RBM26: variants seen among roughly 807,000 people sequenced by gnomAD.
RBM26 encodes the protein RNA binding motif protein 26.
Under a neutral mutation model 123.6 loss-of-function variants are expected in RBM26, and 30 were observed. The ratio of observed to expected loss-of-function variants is 0.24; its 90% CI spans 0.18 to 0.33. The LOEUF is 0.33. RBM26 is among the 10% of genes least tolerant of loss of function. The pLI is 1.00. For missense variants in RBM26, 947 were observed against 1,203.6 expected, an observed-to-expected ratio of 0.79 and a Z score of 3.15; for synonymous variants, 400 against 404.4, an observed-to-expected ratio of 0.99 and a Z score of 0.13.
rs186430652 is a variant in RBM26 at position 79,394,029 on chromosome 13, T to C, written c.71+11675A>G. ...TCTTAAACACACACTTCCTATTATTTGTGCGCCTGCGGCTTTTACTGTGTT... is the reference window on the plus strand; with the variant it reads ...TCTTAAACACACACTTCCTATTATTCGTGCGCCTGCGGCTTTTACTGTGTT... On this transcript the variant is annotated intron_variant, in intron 1 of 21. Coordinates refer to ENST00000438737, the MANE Select transcript of RBM26 (RefSeq NM_001366735.2). Among the ~76,000 whole-genome samples the C allele has an allele frequency of 4.3e-3, 652 of 152,334 alleles. 5 individuals carry two copies. Among genetic ancestry groups the C allele is most frequent in the Non-Finnish European group, 7.2e-3 (488 of 68,032 alleles).
intron 1 of RBM26, among the ~76,000 whole-genome samples, chr13:79,393,617 TAC>T (rs927277836): frequency 6.6e-6 from 1 of 152,104 alleles, no homozygotes; most frequent in African/African-American, 2.4e-5. Flanking sequence ...TCAACCCCCA[TAC>T]AGTTTTCTTC....
chr13:79,392,871 T>C (rs1003975666), intron 1 of RBM26, among the ~76,000 whole-genome samples: 62 of 151,258 alleles, frequency 4.1e-4, no homozygotes, highest in African/African-American at 1.5e-3. Context: ...AAGAAACTCA[T>C]GTTTACTCTC....
At chr13:79,346,353 C>T (rs1230299441) in intron 14 of RBM26, among the ~76,000 whole-genome samples, 1 of 152,100 alleles carries the variant, frequency 6.6e-6, no homozygotes, top group Admixed American at 6.6e-5. Flanking sequence ...AGGTTCTTAA[C>T]AATATTTGAT....
chr13:79,343,229 GA>G (rs1485243782), intron 16 of RBM26, among the ~76,000 whole-genome samples: 4 of 151,790 alleles, frequency 2.6e-5, no homozygotes, highest in African/African-American at 9.7e-5. Context: ...CTCCAGCCCA[GA>G]AAGAACCAGA....
intron 16 of RBM26, among the ~76,000 whole-genome samples, chr13:79,343,709 A>G (rs756029858): frequency 6.6e-6 from 1 of 151,928 alleles, no homozygotes; most frequent in Non-Finnish European, 1.5e-5. Flanking sequence ...ATTTAATAAA[A>G]TATTTTGCTT....
At chr13:79,325,568 AT>A (rs2068260476) in intron 20 of RBM26, among the ~76,000 whole-genome samples, 1 of 152,156 alleles carries the variant, frequency 6.6e-6, no homozygotes, top group African/African-American at 2.4e-5. Flanking sequence ...TAAAGAAAGT[AT>A]TTTTGTACAG....
At chr13:79,402,910 TTAAAA>T (rs1340846835) in intron 1 of RBM26, among the ~76,000 whole-genome samples, 1 of 152,132 alleles carries the variant, frequency 6.6e-6, no homozygotes, top group East Asian at 1.9e-4. Flanking sequence ...TTAAGTACTC[TTAAAA>T]TAAATGTTTG....
Position 79,366,678 on chromosome 13 carries a change from C to G in RBM26, c.1090G>C (p.Val364Leu). Residue 364 changes from valine to leucine, a missense_variant, in exon 7 of 22, where the codon GTA becomes CTA. Physicochemically the swap from Val to Leu is conservative, Grantham distance 32. This residue lies in a region of RBM26 where 493 missense variants were observed against 563.1 expected (regional missense o/e 0.88). Transcript: ENST00000438737. ...TPPPVNLRPP[V>L]PPPGPLPPSL... ...GGTGGCAATGGACCTGGCGGTGGTA[C>G]TGGGGGCCTGAGATTCACAGGTGGG... is the stretch of plus-strand genomic sequence containing the variant. The G allele has an allele frequency of 6.3e-7, 1 of 1,582,526 alleles. No homozygotes were observed. The highest frequency in any genetic ancestry group is 8.6e-7 in the Non-Finnish European group (1 of 1,162,868).
intron 13 of RBM26, among the ~76,000 whole-genome samples, chr13:79,353,647 T>C (rs530370682): frequency 5.9e-5 from 9 of 152,216 alleles, no homozygotes; most frequent in Non-Finnish European, 7.3e-5. Context: ...TGGGAATTTT[T>C]TAAATTAACT....
chr13:79,341,246 T>A lies in RBM26; in HGVS notation c.2428-19A>T, dbSNP rs1273363176. 7 of 1,518,376 alleles carry A rather than the reference T, an allele frequency of 4.6e-6. No individual in the cohort carries two copies. The highest frequency in any genetic ancestry group is 6.4e-6 in the Non-Finnish European group (7 of 1,098,792). 94.1% of individuals were successfully genotyped at this position (1,518,376 alleles called of 1,614,324 possible). A position where few individuals can be genotyped will look rare whatever the true frequency, so the allele number is the denominator to read the frequency against. On this transcript the variant is annotated intron_variant, in intron 17 of 21. Transcript: ENST00000438737. ...TCTGCATCTAAAAAATAGTAATTAA[T>A]ATTTTAGGTGACAGTAATTACTATC...
intron 1 of RBM26, among the ~76,000 whole-genome samples, chr13:79,402,357 C>G (rs2079121380): frequency 6.6e-6 from 1 of 151,472 alleles, no homozygotes; most frequent in Admixed American, 6.6e-5. Flanking sequence ...AACTCAGAAC[C>G]CTGATACATG....
chr13:79,379,601 T>C (rs767525171), intron 1 of RBM26, among the ~76,000 whole-genome samples: 28 of 150,868 alleles, frequency 1.9e-4, no homozygotes, highest in Non-Finnish European at 3.4e-4. Context: ...AAAATAAACT[T>C]GGAAACATGT....
chr13:79,329,811 T>C (rs537901184), intron 20 of RBM26, among the ~76,000 whole-genome samples: 15 of 152,212 alleles, frequency 9.9e-5, no homozygotes, highest in Non-Finnish European at 1.9e-4. Flanking sequence ...GGATATTTGA[T>C]ATTTAGGAAT....
Position 79,366,056 on chromosome 13 carries a change from T to A in RBM26, c.1275A>T (p.Ala425=). The A allele has an allele frequency of 6.2e-7, 1 of 1,613,484 alleles. No homozygotes were observed. Among genetic ancestry groups the A allele is most frequent in the Non-Finnish European group, 8.5e-7 (1 of 1,179,754 alleles). ...ATATAAAAAGGGCCAAAACTGCACC[T>A]GCAGTAAAAAGAGAGGGTGGAGCAG... is the stretch of plus-strand genomic sequence containing the variant. The part of the protein sequence containing the change: ...PPPAPPSLFT[A]DTYDTDGYNP... The change falls in exon 8 of 22, where the codon GCA becomes GCT. Residue 425 remains alanine, a splice_region_variant and synonymous_variant. Coordinates refer to ENST00000438737, the MANE Select transcript of RBM26 (RefSeq NM_001366735.2).
intron 3 of RBM26, among the ~76,000 whole-genome samples, chr13:79,375,786 T>C (rs539758082): frequency 6.6e-6 from 1 of 151,660 alleles, no homozygotes; most frequent in South Asian, 2.1e-4. Flanking sequence ...AGATTACATA[T>C]TATAATATAT....
intron 3 of RBM26, among the ~76,000 whole-genome samples, chr13:79,372,672 T>TAC (rs772822405): frequency 1.7e-4 from 25 of 145,724 alleles, no homozygotes; most frequent in Non-Finnish European, 3.4e-4. Flanking sequence ...CATAAATACA[T>TAC]ACACACACAC....
In RBM26 at chr13:79,365,786, TAA is replaced by T. The variant is rs2075197468; in HGVS notation, c.1277-70_1277-69del. 2.1e-5 allele frequency: 29 copies of T among 1,397,780 alleles called. No individual in the cohort carries two copies. The South Asian group carries it at 2.6e-4, about 12-fold the overall frequency. The allele number at this position is 1,397,780 out of a possible 1,614,324, so 86.6% of individuals were successfully genotyped here. A position where few individuals can be genotyped will look rare whatever the true frequency, so the allele number is the denominator to read the frequency against. ...CCACTTGGTAATTTTTTAATATTGA[TAA>T]GAGAAAAAGTAAACAATATAACATA... On this transcript the variant is annotated intron_variant, in intron 8 of 21. Coordinates refer to ENST00000438737, the MANE Select transcript of RBM26 (RefSeq NM_001366735.2).
At chr13:79,357,916 CTT>C (rs1339831525) in intron 11 of RBM26, among the ~76,000 whole-genome samples, 10 of 131,126 alleles carry the variant, frequency 7.6e-5, no homozygotes, top group East Asian at 4.4e-4. Context: ...GAGTTTTGCT[CTT>C]GTCACCCAGG....
chr13:79,396,215 AC>A (rs2078546910), intron 1 of RBM26, among the ~76,000 whole-genome samples: 1 of 112,764 alleles, frequency 8.9e-6, no homozygotes, highest in South Asian at 3.6e-4. Flanking sequence ...AAGGTGTAAA[AC>A]CAACGACCTA....
Sources: allele counts gnomAD v4.1 joint callset (sites outside exome capture counted in the v4.1 genomes callset), GRCh38; gene constraint gnomAD v4.1.1; regional missense constraint gnomAD v4.1.1; transcripts MANE v1.5; gene names NCBI Gene and HGNC (gene_info 2026-07-23, HGNC 2026-07-21).